Variants in PIK3R1 observed in about 807,000 individuals in gnomAD.
PIK3R1 encodes the protein phosphoinositide-3-kinase regulatory subunit 1.
Under a neutral mutation model 98.0 loss-of-function variants are expected in PIK3R1, and 29 were observed. The ratio of observed to expected loss-of-function variants is 0.30; its 90% CI spans 0.22 to 0.40. The LOEUF (loss-of-function observed/expected upper bound fraction) is 0.40. PIK3R1 is among the 10% of genes least tolerant of loss of function. PIK3R1 has a pLI of 1.00. For synonymous variants in PIK3R1, 282 were observed against 311.8 expected (o/e 0.90, Z 1.01); for missense variants, 596 against 872.7 (o/e 0.68, Z 3.99).
intron 4 of PIK3R1, among the ~76,000 whole-genome samples, chr5:68,275,400 A>G (rs1160200015): frequency 6.6e-6 from 1 of 152,190 alleles, no homozygotes; most frequent in Non-Finnish European, 1.5e-5. Flanking sequence ...TGGTCAAATT[A>G]TGAACACGTT....
intron 12 of PIK3R1, 48 bp from the exon 13 acceptor site, chr5:68,295,100 G>T (rs555084644): frequency 6.6e-7 from 1 of 1,522,504 alleles, no homozygotes; most frequent in Non-Finnish European, 9.0e-7. Flanking sequence ...TTTGGGGACC[G>T]TTCCTGATGT....
Position 68,226,902 on chromosome 5 carries a change from A to G in PIK3R1, c.227A>G (p.Tyr76Cys), listed in dbSNP as rs1744298925. 1 of 1,613,978 alleles carries G rather than the reference A, an allele frequency of 6.2e-7. No individual in the cohort carries two copies. Among genetic ancestry groups the G allele is most frequent in the Admixed American group, 1.7e-5 (1 of 59,992 alleles). ...RGDFPGTYVE[Y>C]IGRKKISPPT... ...GACTTTCCGGGAACTTACGTAGAAT[A>G]TATTGGAAGGAAAAAAATCTCGCCT... is the stretch of plus-strand genomic sequence containing the variant. The change falls in exon 2 of 16, where the codon TAT becomes TGT. Residue 76 changes from tyrosine to cysteine, a missense_variant. Transcript: ENST00000521381.
intron 7 of PIK3R1, among the ~76,000 whole-genome samples, chr5:68,288,073 G>C (rs1315676065): frequency 6.6e-6 from 1 of 152,116 alleles, no homozygotes; most frequent in Non-Finnish European, 1.5e-5. Context: ...GTGAGGCTTT[G>C]ATTCTATTTT....
At chr5:68,271,110 C>G (rs1561283693) in intron 2 of PIK3R1, among the ~76,000 whole-genome samples, 1 of 152,160 alleles carries the variant, frequency 6.6e-6, no homozygotes, top group Non-Finnish European at 1.5e-5. Flanking sequence ...TAACCCCAAA[C>G]AGGTTACTAG....
intron 2 of PIK3R1, among the ~76,000 whole-genome samples, chr5:68,247,038 GT>G (rs1745124460): frequency 6.6e-6 from 1 of 152,172 alleles, no homozygotes; most frequent in African/African-American, 2.4e-5. Flanking sequence ...ACTAAAAGGT[GT>G]TTGCCGTTCT....
intron 2 of PIK3R1, among the ~76,000 whole-genome samples, chr5:68,239,544 A>G (rs1580187912): frequency 6.6e-6 from 1 of 152,200 alleles, no homozygotes; most frequent in African/African-American, 2.4e-5. Context: ...TGGCCTTATT[A>G]TACCTGTTTT....
chr5:68,268,903 C>T (rs62355960), intron 2 of PIK3R1, among the ~76,000 whole-genome samples: 5,385 of 152,286 alleles, frequency 0.035, 131 homozygotes, highest in Non-Finnish European at 0.052. Context: ...CTGTCGAGGC[C>T]TGTCCATGTT....
At position 68,226,916 on chromosome 5, in the gene PIK3R1, A is replaced by G. The variant is rs2111965149; in HGVS notation, c.241A>G (p.Lys81Glu). The G allele has an allele frequency of 6.2e-7, 1 of 1,614,106 alleles. No homozygotes were observed. The highest frequency in any genetic ancestry group is 2.2e-5 in the East Asian group (1 of 44,880). ...GTYVEYIGRK[K>E]ISPPTPKPRP... is the part of the protein sequence containing the mutation. ...TTACGTAGAATATATTGGAAGGAAA[A>G]AAATCTCGCCTCCCACACCAAAGCC... is the stretch of plus-strand genomic sequence containing the variant. The change falls in exon 2 of 16, where the codon AAA (lysine) becomes GAA (glutamate). Residue 81 changes from lysine (K) to glutamate (E), a missense_variant. Transcript: ENST00000521381.
At chr5:68,278,463 A>G (rs776554842) in intron 4 of PIK3R1, among the ~76,000 whole-genome samples, 4 of 152,192 alleles carry the variant, frequency 2.6e-5, no homozygotes, top group Non-Finnish European at 5.9e-5. Flanking sequence ...AAATCTGGGA[A>G]TATGCATTTT....
chr5:68,278,778 A>G (rs1337748276), intron 4 of PIK3R1, among the ~76,000 whole-genome samples: 2 of 152,060 alleles, frequency 1.3e-5, no homozygotes, highest in African/African-American at 4.8e-5. Flanking sequence ...TGTCTCTACT[A>G]AAAATACAAA....
At chr5:68,239,503 C>T (rs987347968) in intron 2 of PIK3R1, among the ~76,000 whole-genome samples, 2 of 152,138 alleles carry the variant, frequency 1.3e-5, no homozygotes, top group African/African-American at 2.4e-5. Context: ...ATTCCATTGA[C>T]TTGTTACTTT....
In PIK3R1 at chr5:68,299,531, G is replaced by A. The variant is rs986652179; in HGVS notation, c.*1930G>A. 4.3e-6 allele frequency: 1 copy of A among 233,118 alleles called. No individual in the cohort carries two copies. The highest frequency in any genetic ancestry group is 5.6e-5 in the Admixed American group (1 of 17,776). 14.4% of individuals were successfully genotyped at this position (233,118 alleles called of 1,614,324 possible). A position where few individuals can be genotyped will look rare whatever the true frequency, so the allele number is the denominator to read the frequency against. ...AGATATGCAAAAGCTGGTATGTTCA[G>A]TAGGAACTGTACATGTGTTGGGAGG... On this transcript the variant is annotated 3_prime_UTR_variant, in exon 16 of 16. Transcript: ENST00000521381.
At chr5:68,287,725 T>C (rs1747137575) in intron 7 of PIK3R1, among the ~76,000 whole-genome samples, 1 of 152,222 alleles carries the variant, frequency 6.6e-6, no homozygotes, top group Admixed American at 6.5e-5. Context: ...ATAAACCTAA[T>C]GCAGAGACAC....
At chr5:68,267,567 T>C (rs1247815703) in intron 2 of PIK3R1, among the ~76,000 whole-genome samples, 1 of 152,196 alleles carries the variant, frequency 6.6e-6, no homozygotes, top group African/African-American at 2.4e-5. Context: ...GAAAATAATG[T>C]AGTTATGGCT....
At chr5:68,282,958 T>C (rs1746911839) in intron 7 of PIK3R1, among the ~76,000 whole-genome samples, 1 of 152,236 alleles carries the variant, frequency 6.6e-6, no homozygotes, top group South Asian at 2.1e-4. Flanking sequence ...GTGCATACAT[T>C]GTACTGCCCA....
chr5:68,226,970 C>T lies in PIK3R1; in HGVS notation c.295C>T (p.Pro99Ser). Residue 99 changes from proline (P) to serine (S), a missense_variant, in exon 2 of 16, where the codon CCA becomes TCA. By Grantham distance (74) the Pro-to-Ser change is moderately conservative. Around this residue, in one of 3 missense-constraint regions of PIK3R1, gnomAD observed 352 missense variants for 393.3 expected, o/e 0.90. Coordinates refer to ENST00000521381, the MANE Select transcript of PIK3R1 (RefSeq NM_181523.3). ...GCCACCTCGGCCTCTTCCTGTTGCA[C>T]CAGGTTCTTCGAAAACTGAAGCAGA... is the stretch of plus-strand genomic sequence containing the variant. ...PRPPRPLPVA[P>S]GSSKTEADVE... 1 of 1,613,256 alleles carries T rather than the reference C, an allele frequency of 6.2e-7. No individual in the cohort carries two copies. Among genetic ancestry groups the T allele is most frequent in the Non-Finnish European group, 8.5e-7 (1 of 1,179,682 alleles).
intron 4 of PIK3R1, among the ~76,000 whole-genome samples, chr5:68,276,326 C>A (rs930636288): frequency 1.3e-5 from 2 of 152,320 alleles, no homozygotes; most frequent in South Asian, 4.1e-4. Flanking sequence ...CATTCTCCCC[C>A]AGTTGTGACA....
At chr5:68,232,917 T>G (rs1580180650) in intron 2 of PIK3R1, among the ~76,000 whole-genome samples, 1 of 152,246 alleles carries the variant, frequency 6.6e-6, no homozygotes, top group African/African-American at 2.4e-5. Context: ...GTTGATATTC[T>G]AATACAATTT....
intron 2 of PIK3R1, among the ~76,000 whole-genome samples, chr5:68,263,309 GTGT>G (rs1305979411): frequency 5.5e-4 from 23 of 42,068 alleles, no homozygotes; most frequent in Admixed American, 3.1e-3. Context: ...ACAGTTTTGT[GTGT>G]TGTTGTTTTT....
Sources: gnomAD v4.1 joint callset for allele counts (sites outside exome capture counted in the v4.1 genomes callset) on GRCh38, gnomAD v4.1.1 for gene constraint, gnomAD v4.1.1 regional missense constraint, MANE v1.5 for transcripts, NCBI Gene and HGNC (gene_info 2026-07-23, HGNC 2026-07-21) for gene names.